Variants in ZNF337 observed in about 807,000 individuals in gnomAD.
The protein encoded by ZNF337 is zinc finger protein 337.
Under a neutral mutation model 12.1 loss-of-function variants are expected in ZNF337, and 8 were observed. The ratio of observed to expected loss-of-function variants is 0.66; its 90% CI spans 0.39 to 1.19. The LOEUF (loss-of-function observed/expected upper bound fraction) is 1.19. ZNF337 is among the 50% of genes most tolerant of loss of function. The pLI is 0.01. For synonymous variants in ZNF337, 336 were observed against 320.0 expected (o/e 1.05, Z -0.53); for missense variants, 882 against 896.6 (o/e 0.98, Z 0.21).
At position 25,676,514 on chromosome 20, in the gene ZNF337, G is replaced by T. The variant is rs757803713; in HGVS notation, c.774C>A (p.His258Gln). ...TGCACAGAAAAGGCTTCTCTCCTGA[G>T]TGTGTCCTCTGGTGTCTGAGGAGGT... ...KANLLRHQRTHSGEKPFLCKV... is the reference protein window; with the variant it reads ...KANLLRHQRTQSGEKPFLCKV... The change falls in exon 5 of 5, where the codon CAC becomes CAA. Residue 258 changes from histidine (H) to glutamine (Q), a missense_variant. Physicochemically the swap from His to Gln is conservative, Grantham distance 24. Coordinates refer to ENST00000252979, the MANE Select transcript of ZNF337 (RefSeq NM_015655.4). 1 of 1,614,098 alleles carries T rather than the reference G, an allele frequency of 6.2e-7. No individual in the cohort carries two copies. Among genetic ancestry groups the T allele is most frequent in the South Asian group, 1.1e-5 (1 of 91,064 alleles).
At chr20:25,685,706 G>C (rs747320675) in intron 3 of ZNF337, 44 bp from the exon 4 acceptor site, 1 of 1,554,056 alleles carries the variant, frequency 6.4e-7, no homozygotes. Flanking sequence ...CTGGTTGTAG[G>C]CTCCACGGGC....
At chr20:25,677,366 T>C in intron 4 of ZNF337, 1 of 229,814 alleles carries the variant, frequency 4.4e-6, no homozygotes, top group East Asian at 9.3e-5. Context: ...ACAGAAAAGA[T>C]AATACACCAT....
intron 4 of ZNF337, among the ~76,000 whole-genome samples, chr20:25,682,086 G>A (rs997484960): frequency 6.6e-6 from 1 of 151,992 alleles, no homozygotes; most frequent in Non-Finnish European, 1.5e-5. Context: ...AAAAAATGCT[G>A]GAGGAAAGGA....
chr20:25,682,220 C>A (rs533729415), intron 4 of ZNF337, among the ~76,000 whole-genome samples: 3 of 152,124 alleles, frequency 2.0e-5, no homozygotes, highest in South Asian at 4.2e-4. Context: ...GATTATAATA[C>A]AGTAACTATT....
chr20:25,696,733 G>C (rs2065936282), intron 1 of ZNF337, 26 bp downstream of exon 1: 2 of 985,406 alleles, frequency 2.0e-6, no homozygotes, highest in Non-Finnish European at 1.2e-6. Flanking sequence ...GCGCTGCAGA[G>C]AGGGACCCGC....
chr20:25,675,634 T>C lies in ZNF337; in HGVS notation c.1654A>G (p.Ser552Gly), dbSNP rs1438930706. The C allele has an allele frequency of 6.2e-7, 1 of 1,610,952 alleles. No individual in the cohort carries two copies. The highest frequency in any genetic ancestry group is 1.4e-5 in the African/African-American group (1 of 73,802). ...AGAAGATTTGCCTTCAAACTAAAAC[T>C]TTTCTCACACTGCTTGCACATGAAG... The part of the protein sequence containing the change: ...KPFMCKQCEK[S>G]FSLKANLLRH... Residue 552 changes from serine (S) to glycine (G), a missense_variant, in exon 5 of 5, where the codon AGT (serine) becomes GGT (glycine). Coordinates refer to ENST00000252979, the MANE Select transcript of ZNF337 (RefSeq NM_015655.4).
At chr20:25,680,065 A>G (rs2122382405) in intron 4 of ZNF337, among the ~76,000 whole-genome samples, 1 of 152,294 alleles carries the variant, frequency 6.6e-6, no homozygotes, top group Non-Finnish European at 1.5e-5. Context: ...TCATTATGTT[A>G]GGTGAAATAA....
At chr20:25,694,087 G>C (rs1250547122) in intron 1 of ZNF337, among the ~76,000 whole-genome samples, 1 of 152,184 alleles carries the variant, frequency 6.6e-6, no homozygotes, top group Non-Finnish European at 1.5e-5. Flanking sequence ...AGCATATCCT[G>C]TCGGTGCTTC....
chr20:25,676,034 A>G lies in ZNF337; in HGVS notation c.1254T>C (p.Thr418=). 1.2e-6 allele frequency: 2 copies of G among 1,613,372 alleles called. No homozygotes were observed. The highest frequency in any genetic ancestry group is 8.5e-7 in the Non-Finnish European group (1 of 1,179,826). The change falls in exon 5 of 5, where the codon ACT becomes ACC. Residue 418 remains threonine (T), a synonymous_variant. Coordinates refer to ENST00000252979, the MANE Select transcript of ZNF337 (RefSeq NM_015655.4). ...AGTGTGTTCTCTGGTGGTAGACAAG[A>G]GTTGACTTTTGGCTAAAGCTTCGCT... The part of the protein sequence containing the change: ...DCERSFSQKS[T]LVYHQRTHSG...
chr20:25,686,203 T>C, intron 2 of ZNF337, 81 bp from the exon 3 acceptor site: 1 of 1,599,058 alleles, frequency 6.3e-7, no homozygotes, highest in African/African-American at 1.3e-5. Context: ...CTGCCATCTG[T>C]ACACAGATCA....
In ZNF337 at chr20:25,685,550, CCT is replaced by C; in HGVS notation, c.250+15_250+16del. ...GCGGAGTGCCTTGTGCTCTGTCTGC[CCT>C]GTCTATCCCCTCACCTGCACAGGGG... On this transcript the variant is annotated intron_variant, in intron 4 of 4. Transcript: ENST00000252979. 6.2e-7 allele frequency: 1 copy of C among 1,607,290 alleles called. No homozygotes were observed. Among genetic ancestry groups the C allele is most frequent in the East Asian group, 2.2e-5 (1 of 44,844 alleles).
intron 1 of ZNF337, among the ~76,000 whole-genome samples, chr20:25,687,658 A>T (rs985120129): frequency 6.6e-6 from 1 of 152,258 alleles, no homozygotes; most frequent in Non-Finnish European, 1.5e-5. Flanking sequence ...AAGCTAAGTC[A>T]TGCAAGAAGC....
chr20:25,689,746 G>A (rs1257382493), intron 1 of ZNF337, among the ~76,000 whole-genome samples: 2 of 152,128 alleles, frequency 1.3e-5, no homozygotes, highest in Admixed American at 1.3e-4. Flanking sequence ...AACTACCCAT[G>A]GTTTTAAAAT....
intron 1 of ZNF337, among the ~76,000 whole-genome samples, chr20:25,695,390 C>T (rs1194737542): frequency 6.6e-6 from 1 of 152,208 alleles, no homozygotes; most frequent in African/African-American, 2.4e-5. Context: ...TACGCAATCC[C>T]CTTAACTCTG....
intron 4 of ZNF337, among the ~76,000 whole-genome samples, chr20:25,681,995 C>G (rs1477531123): frequency 6.6e-6 from 1 of 152,118 alleles, no homozygotes; most frequent in African/African-American, 2.4e-5. Flanking sequence ...CTGTAGGTGG[C>G]AGATCGACAG....
intron 1 of ZNF337, among the ~76,000 whole-genome samples, chr20:25,688,180 A>C (rs1159844911): frequency 6.6e-6 from 1 of 152,174 alleles, no homozygotes; most frequent in Admixed American, 6.5e-5. Context: ...ATTTACTCTT[A>C]GAAGTTTAAA....
chr20:25,675,562 C>T lies in ZNF337; in HGVS notation c.1726G>A (p.Asp576Asn), dbSNP rs979696177. ...HSGERPFNCKDCGRGFILKST... is the reference protein window; with the variant it reads ...HSGERPFNCKNCGRGFILKST... Reference sequence around the variant, plus strand: ...TTTAGGATGAAGCCTCGCCCGCAATCCTTGCAATTAAATGGCCTTTCCCCC... The same window carrying T: ...TTTAGGATGAAGCCTCGCCCGCAATTCTTGCAATTAAATGGCCTTTCCCCC... Residue 576 changes from aspartate (D) to asparagine (N), a missense_variant, in exon 5 of 5, where the codon GAT (aspartate) becomes AAT (asparagine). Transcript: ENST00000252979. The T allele has an allele frequency of 1.2e-6, 2 of 1,613,900 alleles. No individual in the cohort carries two copies. Among genetic ancestry groups the T allele is most frequent in the Non-Finnish European group, 1.7e-6 (2 of 1,179,972 alleles).
At position 25,691,492 on chromosome 20, in the gene ZNF337, A is replaced by C. The variant is rs139242786; in HGVS notation, c.-49-5026T>G. 3.9e-5 allele frequency among the ~76,000 whole-genome samples: 6 copies of C among 152,342 alleles called. No homozygotes were observed. In the East Asian group the frequency reaches 1.2e-3, roughly 29 times the overall value. ...CCACACCCAAACACACTTCTCAACT[A>C]TACTTACATGAAACCAGCTTCAGGA... On this transcript the variant is annotated intron_variant, in intron 1 of 4. Coordinates refer to ENST00000252979, the MANE Select transcript of ZNF337 (RefSeq NM_015655.4).
intron 2 of ZNF337, 64 bp downstream of exon 2, chr20:25,686,327 A>G: frequency 6.6e-7 from 1 of 1,508,154 alleles, no homozygotes. Context: ...TGTAACTGCT[A>G]GGGCCAGTGA....
Sources: gnomAD v4.1 joint callset for allele counts (sites outside exome capture counted in the v4.1 genomes callset) on GRCh38, gnomAD v4.1.1 for gene constraint, MANE v1.5 for transcripts, NCBI Gene and HGNC (gene_info 2026-07-23, HGNC 2026-07-21) for gene names.